The following BMP2K variants were observed in gnomAD, a reference collection of about 807,000 sequenced individuals.
BMP2K encodes the protein BMP-2-inducible protein kinase.
Under a neutral mutation model 116.0 loss-of-function variants are expected in BMP2K, and 74 were observed. The observed-to-expected ratio is 0.64, with a 90% CI of 0.53 to 0.77. The LOEUF (loss-of-function observed/expected upper bound fraction) is 0.77. Among genes scored for constraint, BMP2K ranks in the 30% least tolerant of loss-of-function variants. The probability of loss-of-function intolerance (pLI) is 0.00; values close to 1 mark genes in which losing one functional copy is unlikely to be tolerated. For missense variants in BMP2K, 1,365 were observed against 1,403.6 expected, an observed-to-expected ratio of 0.97 and a Z score of 0.44; for synonymous variants, 486 against 502.5, an observed-to-expected ratio of 0.97 and a Z score of 0.44.
At chr4:78,845,334 G>T (rs1730947375) in intron 5 of BMP2K, among the ~76,000 whole-genome samples, 1 of 151,498 alleles carries the variant, frequency 6.6e-6, no homozygotes, top group Non-Finnish European at 1.5e-5. Flanking sequence ...AATGATTATT[G>T]AATTCAGTTA....
At chr4:78,894,542 G>A (rs1733603070) in intron 15 of BMP2K, among the ~76,000 whole-genome samples, 1 of 152,216 alleles carries the variant, frequency 6.6e-6, no homozygotes, top group Non-Finnish European at 1.5e-5. Flanking sequence ...ATTGAAGAGA[G>A]TTAGAGCCTT....
At chr4:78,862,009 A>G (rs973936702) in intron 9 of BMP2K, among the ~76,000 whole-genome samples, 3 of 151,932 alleles carry the variant, frequency 2.0e-5, no homozygotes, top group African/African-American at 7.2e-5. Flanking sequence ...TGAATCTGTT[A>G]ATGATTGATT....
chr4:78,884,235 G>T (rs567753204), intron 14 of BMP2K, among the ~76,000 whole-genome samples: 128 of 152,234 alleles, frequency 8.4e-4, no homozygotes, highest in Non-Finnish European at 1.5e-3. Context: ...GCTGAGATTG[G>T]AGGATCGCTT....
intron 15 of BMP2K, among the ~76,000 whole-genome samples, chr4:78,908,778 G>T (rs1164107032): frequency 6.6e-6 from 1 of 151,958 alleles, no homozygotes; most frequent in Non-Finnish European, 1.5e-5. Flanking sequence ...TTGTGTGTGG[G>T]TACATAGTAG....
intron 1 of BMP2K, among the ~76,000 whole-genome samples, chr4:78,812,308 A>G (rs896352522): frequency 2.6e-5 from 4 of 151,996 alleles, no homozygotes; most frequent in African/African-American, 4.8e-5. Context: ...GAATATAACA[A>G]TTCCCCTTCT....
At chr4:78,880,170 T>A (rs1194200531) in intron 14 of BMP2K, among the ~76,000 whole-genome samples, 1 of 152,238 alleles carries the variant, frequency 6.6e-6, no homozygotes. Flanking sequence ...CCTCCTGGGT[T>A]CAAGCAATTC....
intron 8 of BMP2K, 129 bp downstream of exon 8, chr4:78,859,816 G>A: frequency 1.5e-6 from 1 of 647,754 alleles, no homozygotes; most frequent in African/African-American, 1.8e-5. Flanking sequence ...CATGACAAGT[G>A]ATCTGATTGT....
chr4:78,798,799 G>A (rs915127620), intron 1 of BMP2K, among the ~76,000 whole-genome samples: 1 of 152,120 alleles, frequency 6.6e-6, no homozygotes, highest in African/African-American at 2.4e-5. Flanking sequence ...AGTTGCTTTC[G>A]TGGGTGATTT....
intron 15 of BMP2K, among the ~76,000 whole-genome samples, chr4:78,899,776 A>G (rs977748203): frequency 2.6e-5 from 4 of 152,196 alleles, no homozygotes; most frequent in Non-Finnish European, 4.4e-5. Context: ...TATCTTGGCA[A>G]AAATAATGCG....
At chr4:78,866,441 G>A (rs1426976862) in intron 10 of BMP2K, among the ~76,000 whole-genome samples, 3 of 151,996 alleles carry the variant, frequency 2.0e-5, no homozygotes, top group Non-Finnish European at 4.4e-5. Context: ...TGAGTCTCAC[G>A]AACCTGATTT....
chr4:78,843,459 T>C lies in BMP2K; in HGVS notation c.546+932T>C, dbSNP rs1013963631. On this transcript the variant is annotated intron_variant, in intron 4 of 15. Coordinates refer to ENST00000502613, the MANE Select transcript of BMP2K (RefSeq NM_198892.2). ...TTTCTTCCATTTTTAGTGATGTGTT[T>C]AAGCAGTTAAAATAGTGCCTGATAC... Among the ~76,000 whole-genome samples the C allele has an allele frequency of 8.0e-4, 122 of 151,926 alleles. 6 individuals are homozygous for C. The highest frequency in any genetic ancestry group is 5.7e-4 in the Non-Finnish European group (39 of 67,888).
chr4:78,845,151 A>G, intron 5 of BMP2K, 102 bp downstream of exon 5: 1 of 1,018,432 alleles, frequency 9.8e-7, no homozygotes, highest in South Asian at 1.5e-5. Context: ...TCATTTATAG[A>G]TTTCTTTGAA....
chr4:78,802,917 C>G (rs1182884479), intron 1 of BMP2K, among the ~76,000 whole-genome samples: 1 of 151,794 alleles, frequency 6.6e-6, no homozygotes, highest in African/African-American at 2.4e-5. Context: ...TGGCACATTC[C>G]TGGCTCACTG....
chr4:78,908,687 T>C (rs1734407399), intron 15 of BMP2K, among the ~76,000 whole-genome samples: 1 of 152,228 alleles, frequency 6.6e-6, no homozygotes, highest in African/African-American at 2.4e-5. Context: ...ATGTCAAGCT[T>C]AATGTCTCCA....
rs142438810 is a variant in BMP2K, at chr4:78,878,874, T to G, written c.1934T>G (p.Phe645Cys). The G allele has an allele frequency of 6.2e-7, 1 of 1,612,324 alleles. No homozygotes were observed. Among genetic ancestry groups the G allele is most frequent in the Admixed American group, 1.7e-5 (1 of 59,670 alleles). ...LTEEELLDREFDLLRSNRLEE... is the reference protein window; with the variant it reads ...LTEEELLDRECDLLRSNRLEE... Reference sequence around the variant, plus strand: ...GAAGAGGAACTATTGGACAGAGAATTTGACCTTCTAAGATCAAGTAAGGGA... The same window carrying G: ...GAAGAGGAACTATTGGACAGAGAATGTGACCTTCTAAGATCAAGTAAGGGA... Residue 645 changes from phenylalanine (F) to cysteine (C), a missense_variant, in exon 14 of 16, where the codon TTT becomes TGT. Phe to Cys is a radical substitution (Grantham distance 205). Coordinates refer to ENST00000502613, the MANE Select transcript of BMP2K (RefSeq NM_198892.2).
chr4:78,883,615 T>A (rs908989228), intron 14 of BMP2K, among the ~76,000 whole-genome samples: 2 of 152,214 alleles, frequency 1.3e-5, no homozygotes, highest in African/African-American at 2.4e-5. Flanking sequence ...ATGTGTATAG[T>A]TTTGTCATAA....
At position 78,914,508 on chromosome 4, in the gene BMP2K, A is replaced by G. The variant is rs1734874211; in HGVS notation, c.*2475A>G. The stretch of plus-strand genomic sequence containing the variant: ...TTTGCATTTTCATTCATCATCCCCC[A>G]GAATCATGGTCAAGGTGTAGGTCAC... On this transcript the variant is annotated 3_prime_UTR_variant, in exon 16 of 16. Coordinates refer to ENST00000502613, the MANE Select transcript of BMP2K (RefSeq NM_198892.2). 6.6e-6 allele frequency: 1 copy of G among 151,926 alleles called. No homozygotes were observed. Among genetic ancestry groups the G allele is most frequent in the Admixed American group, 6.6e-5 (1 of 15,196 alleles). The allele number at this position is 151,926 out of a possible 1,614,324, so 9.4% of individuals were successfully genotyped here.
intron 15 of BMP2K, among the ~76,000 whole-genome samples, chr4:78,909,097 G>C (rs61671866): frequency 0.1 from 11,480 of 114,814 alleles, 651 homozygotes; most frequent in East Asian, 0.26. Flanking sequence ...TTCGCTCTTT[G>C]GCCCAGACTG....
At chr4:78,910,272 TAGC>T (rs911437256) in intron 15 of BMP2K, among the ~76,000 whole-genome samples, 1 of 152,232 alleles carries the variant, frequency 6.6e-6, no homozygotes, top group Non-Finnish European at 1.5e-5. Flanking sequence ...CTTTCAGAAT[TAGC>T]AGAATAATGT....
Sources: gnomAD v4.1 joint callset for allele counts (sites outside exome capture counted in the v4.1 genomes callset) on GRCh38, gnomAD v4.1.1 for gene constraint, MANE v1.5 for transcripts, NCBI Gene and HGNC (gene_info 2026-07-23, HGNC 2026-07-21) for gene names.